The following SASS6 variants were observed in gnomAD, a reference collection of about 807,000 sequenced individuals.
SASS6 encodes the protein spindle assembly abnormal protein 6 homolog.
A neutral mutation model predicts 94.9 loss-of-function variants in SASS6; 59 were observed. The observed-to-expected ratio is 0.62, with a 90% CI of 0.50 to 0.77. The LOEUF (loss-of-function observed/expected upper bound fraction) is 0.77. Among genes scored for constraint, SASS6 ranks in the 30% least tolerant of loss-of-function variants. The probability of loss-of-function intolerance (pLI) is 0.00; values close to 1 mark genes in which losing one functional copy is unlikely to be tolerated. For missense variants in SASS6, 698 were observed against 734.1 expected (o/e 0.95, Z 0.57); for synonymous variants, 264 against 270.0 (o/e 0.98, Z 0.22).
Position 100,121,376 on chromosome 1 carries a change from A to AC in SASS6, c.483+1dup, listed in dbSNP as rs746806344. On this transcript the variant is annotated splice_donor_variant, in intron 5 of 16. Transcript: ENST00000287482. LOFTEE classifies it high-confidence loss of function. Reference sequence around the variant, plus strand: ...AAAGAATAACTTAAATTTAAATCTTACCTTGCTACATTTCAAACAGCCTGC... The same window carrying AC: ...AAAGAATAACTTAAATTTAAATCTTACCCTTGCTACATTTCAAACAGCCTGC... 6.5e-7 allele frequency: 1 copy of AC among 1,536,620 alleles called. No individual in the cohort carries two copies. Among genetic ancestry groups the AC allele is most frequent in the East Asian group, 2.3e-5 (1 of 42,974 alleles).
At chr1:100,090,574 G>A (rs1014692882) in intron 14 of SASS6, among the ~76,000 whole-genome samples, 7 of 152,084 alleles carry the variant, frequency 4.6e-5, no homozygotes, top group Non-Finnish European at 8.8e-5. Flanking sequence ...ACAGTGGCGA[G>A]GCGATAACTA....
intron 8 of SASS6, among the ~76,000 whole-genome samples, chr1:100,108,432 G>A (rs1477584148): frequency 1.3e-5 from 2 of 151,870 alleles, no homozygotes; most frequent in Non-Finnish European, 2.9e-5. Flanking sequence ...CCTTCTTCAC[G>A]TATTACAAAT....
intron 13 of SASS6, among the ~76,000 whole-genome samples, chr1:100,104,867 T>C (rs1304782917): frequency 6.6e-6 from 1 of 151,258 alleles, no homozygotes; most frequent in Non-Finnish European, 1.5e-5. Flanking sequence ...GTGGGAGGAT[T>C]GCCTGAGCCC....
At chr1:100,112,412 TCA>T (rs1653416204) in intron 7 of SASS6, among the ~76,000 whole-genome samples, 1 of 152,002 alleles carries the variant, frequency 6.6e-6, no homozygotes, top group African/African-American at 2.4e-5. Flanking sequence ...AGGACTTTCC[TCA>T]CAGAAAAAAA....
chr1:100,129,152 G>C (rs1353271959), intron 1 of SASS6, among the ~76,000 whole-genome samples: 1 of 151,858 alleles, frequency 6.6e-6, no homozygotes. Flanking sequence ...AAGCAGGAGA[G>C]CTTAAGACCA....
At position 100,084,013 on chromosome 1, in the gene SASS6, T is replaced by C. The variant is rs770004168; in HGVS notation, c.*1315A>G. 10 of 151,944 alleles carry C rather than the reference T, an allele frequency of 6.6e-5. No homozygotes were observed. The highest frequency in any genetic ancestry group is 1.5e-4 in the Non-Finnish European group (10 of 67,884). 9.4% of individuals were successfully genotyped at this position (151,944 alleles called of 1,614,324 possible). ...TTACTGTACCAAGTATTCTCACTAA[T>C]ACAGTAGTGTATCTAAATGGGGGAG... On this transcript the variant is annotated 3_prime_UTR_variant, in exon 17 of 17. Transcript: ENST00000287482.
chr1:100,108,035 T>A (rs1270191117), intron 8 of SASS6, 31 bp from the exon 9 acceptor site: 4 of 1,417,596 alleles, frequency 2.8e-6, no homozygotes, highest in Admixed American at 2.2e-5. Flanking sequence ...AATTAAGCAT[T>A]ATGAAAAAAG....
Position 100,120,527 on chromosome 1 carries a change from A to G in SASS6, c.484-68T>C, listed in dbSNP as rs182279432. On this transcript the variant is annotated intron_variant, in intron 5 of 16. Coordinates refer to ENST00000287482, the MANE Select transcript of SASS6 (RefSeq NM_194292.3). ...CATCTATAGCCATGCTACTCAAAGT[A>G]TAGCATCAGCATCATCCTGGAAGCC... 23 of 735,928 alleles carry G rather than the reference A, an allele frequency of 3.1e-5. No homozygotes were observed. In the African/African-American group the frequency reaches 3.9e-4, roughly 12 times the overall value. The allele number at this position is 735,928 out of a possible 1,614,324, so 45.6% of individuals were successfully genotyped here.
At chr1:100,125,745 T>TGATTTCCAACA in intron 2 of SASS6, 137 bp downstream of exon 2, 1 of 630,668 alleles carries the variant, frequency 1.6e-6, no homozygotes, top group Non-Finnish European at 2.8e-6. Context: ...CCACCACCCT[T>TGATTTCCAACA]GATTTCCAAC....
intron 1 of SASS6, among the ~76,000 whole-genome samples, chr1:100,127,202 AAAT>A (rs1654679647): frequency 1.3e-5 from 2 of 152,264 alleles, no homozygotes; most frequent in African/African-American, 4.8e-5. Flanking sequence ...TGCCAGAATT[AAAT>A]AACAATGGCC....
intron 5 of SASS6, 148 bp downstream of exon 5, chr1:100,121,230 C>T: frequency 1.9e-6 from 1 of 532,198 alleles, no homozygotes; most frequent in South Asian, 2.3e-5. Flanking sequence ...TATACCTTGA[C>T]TAAATAAGAA....
chr1:100,122,634 CCT>C lies in SASS6; in HGVS notation c.207-152_207-151del, dbSNP rs2101687355. On this transcript the variant is annotated intron_variant, in intron 3 of 16. Transcript: ENST00000287482. ...GTGGTGCAATCTTGGCTCACTGCAACCTCTGCCTCCCAGGTTCAAGAGATTCT... is the reference window on the plus strand; with the variant it reads ...GTGGTGCAATCTTGGCTCACTGCAACCTGCCTCCCAGGTTCAAGAGATTCT... The C allele has an allele frequency of 1.8e-5, 7 of 379,068 alleles. No homozygotes were observed. The South Asian group carries it at 2.5e-4, about 14-fold the overall frequency. 23.5% of individuals were successfully genotyped at this position (379,068 alleles called of 1,614,324 possible). A position where few individuals can be genotyped will look rare whatever the true frequency, so the allele number is the denominator to read the frequency against.
At chr1:100,105,547 C>CA (rs1292568976) in intron 13 of SASS6, among the ~76,000 whole-genome samples, 1 of 151,426 alleles carries the variant, frequency 6.6e-6, no homozygotes, top group East Asian at 1.9e-4. Context: ...CAAAACAAAA[C>CA]AAAAAAAAGA....
Position 100,119,077 on chromosome 1 carries a change from C to T in SASS6, c.610G>A (p.Ala204Thr), listed in dbSNP as rs1653984859. The change falls in exon 7 of 17, where the codon GCA becomes ACA. Residue 204 changes from alanine to threonine, a missense_variant. Transcript: ENST00000287482. ...TGAGAATGCTTGTTTGTCAAGGCTG[C>T]TGTATGTGACGCCCATTCATTCCGT... ...KLRNEWASHT[A>T]ALTNKHSQEL... 2 of 1,588,424 alleles carry T rather than the reference C, an allele frequency of 1.3e-6. No homozygotes were observed. The highest frequency in any genetic ancestry group is 1.1e-5 in the South Asian group (1 of 87,468).
intron 14 of SASS6, among the ~76,000 whole-genome samples, chr1:100,093,569 TG>T (rs1651909816): frequency 6.6e-6 from 1 of 152,042 alleles, no homozygotes; most frequent in Non-Finnish European, 1.5e-5. Flanking sequence ...GAGATTGGCC[TG>T]GGAAACATGG....
intron 13 of SASS6, among the ~76,000 whole-genome samples, chr1:100,104,292 A>T (rs1557884796): frequency 6.6e-6 from 1 of 152,224 alleles, no homozygotes; most frequent in African/African-American, 2.4e-5. Context: ...TTGTATTGAC[A>T]GAGTCACAGA....
intron 1 of SASS6, among the ~76,000 whole-genome samples, chr1:100,130,377 A>G (rs1194270519): frequency 6.6e-6 from 1 of 152,188 alleles, no homozygotes; most frequent in Non-Finnish European, 1.5e-5. Flanking sequence ...AACTGGCCTC[A>G]AATACTCAAC....
chr1:100,097,844 A>C (rs528498098), intron 14 of SASS6, among the ~76,000 whole-genome samples: 12 of 152,268 alleles, frequency 7.9e-5, no homozygotes, highest in Non-Finnish European at 1.3e-4. Flanking sequence ...AAAAAGAAGA[A>C]AGACACACAA....
chr1:100,130,116 T>C (rs936516266), intron 1 of SASS6, among the ~76,000 whole-genome samples: 7 of 152,152 alleles, frequency 4.6e-5, no homozygotes, highest in Admixed American at 2.0e-4. Flanking sequence ...TGTCAGTAAG[T>C]GGAAGAACTG....
Sources: allele counts gnomAD v4.1 joint callset (sites outside exome capture counted in the v4.1 genomes callset), GRCh38; gene constraint gnomAD v4.1.1; transcripts MANE v1.5; gene names NCBI Gene and HGNC (gene_info 2026-07-23, HGNC 2026-07-21).